CUX1: variants seen among roughly 807,000 people sequenced by gnomAD.
CUX1 encodes protein CASP.
Under a neutral mutation model 158.8 loss-of-function variants are expected in CUX1, and 31 were observed. The ratio of observed to expected loss-of-function variants is 0.20; its 90% CI spans 0.15 to 0.26. The LOEUF is 0.26. CUX1 is among the 10% of genes least tolerant of loss of function. The pLI is 1.00. For synonymous variants in CUX1, 879 were observed against 862.1 expected, an observed-to-expected ratio of 1.02 and a Z score of -0.34; for missense variants, 1,589 against 2,014.6, an observed-to-expected ratio of 0.79 and a Z score of 4.04.
chr7:101,955,944 G>A (rs1280480823), intron 2 of CUX1, among the ~76,000 whole-genome samples: 19 of 151,930 alleles, frequency 1.3e-4, no homozygotes. Flanking sequence ...AGCACTTTGG[G>A]AGGCCAAGGT....
At chr7:101,832,655 T>C (rs1794178364) in intron 1 of CUX1, among the ~76,000 whole-genome samples, 1 of 152,224 alleles carries the variant, frequency 6.6e-6, no homozygotes, top group Admixed American at 6.5e-5. Flanking sequence ...GTAATTCTAA[T>C]GGAAATAAAC....
intron 4 of CUX1, among the ~76,000 whole-genome samples, chr7:102,074,374 A>C (rs576176953): frequency 1.3e-5 from 2 of 152,226 alleles, no homozygotes; most frequent in Non-Finnish European, 2.9e-5. Flanking sequence ...TGGCCCCAGG[A>C]ACAGCGGAGC....
chr7:101,937,090 A>C (rs1236420531), intron 2 of CUX1, among the ~76,000 whole-genome samples: 1 of 152,016 alleles, frequency 6.6e-6, no homozygotes, highest in African/African-American at 2.4e-5. Context: ...CCCTTCCTCC[A>C]GATGCTGATT....
chr7:102,121,422 G>A (rs555426510), intron 8 of CUX1, among the ~76,000 whole-genome samples: 27 of 149,558 alleles, frequency 1.8e-4, no homozygotes, highest in African/African-American at 6.7e-4. Flanking sequence ...CTTGGCTCAC[G>A]GCATCCTCCG....
chr7:101,857,855 G>T (rs1374636830), intron 1 of CUX1, among the ~76,000 whole-genome samples: 1 of 152,210 alleles, frequency 6.6e-6, no homozygotes, highest in African/African-American at 2.4e-5. Context: ...GGGGGTGGTG[G>T]CTCACGCCTG....
chr7:102,184,113 G>T (rs1447887634), intron 11 of CUX1, among the ~76,000 whole-genome samples: 3 of 152,182 alleles, frequency 2.0e-5, no homozygotes, highest in African/African-American at 7.2e-5. Context: ...GCCCAGGCTG[G>T]TGTCGAACTC....
chr7:102,246,867 G>T (rs1478743299), intron 23 of CUX1, among the ~76,000 whole-genome samples: 1 of 152,212 alleles, frequency 6.6e-6, no homozygotes, highest in Non-Finnish European at 1.5e-5. Flanking sequence ...ACCATGCCCA[G>T]CCTCAGAAAG....
At chr7:102,281,184 G>A (rs1199799688) in intron 20 of CUX1, among the ~76,000 whole-genome samples, 1 of 151,600 alleles carries the variant, frequency 6.6e-6, no homozygotes, top group Non-Finnish European at 1.5e-5. Context: ...ACCAGCCTGG[G>A]CAACACAGTA....
At chr7:101,903,974 T>C (rs1802453019) in intron 1 of CUX1, among the ~76,000 whole-genome samples, 1 of 152,150 alleles carries the variant, frequency 6.6e-6, no homozygotes, top group Admixed American at 6.5e-5. Context: ...ATTTTCTGAA[T>C]AGGTAACGTG....
intron 22 of CUX1, among the ~76,000 whole-genome samples, chr7:102,237,678 C>G (rs112138440): frequency 0.016 from 2,473 of 152,274 alleles, 36 homozygotes; most frequent in Non-Finnish European, 0.025. Flanking sequence ...GTCTGTGGGT[C>G]TCTCCCCGTG....
In CUX1 at chr7:101,867,178, C is replaced by T. The variant is rs541859997; in HGVS notation, c.31-48937C>T. On this transcript the variant is annotated intron_variant, in intron 1 of 23. Coordinates refer to ENST00000292535, the MANE Select transcript of CUX1 (RefSeq NM_181552.4). The stretch of plus-strand genomic sequence containing the variant: ...GCTGCAGTGAGCTGAGATTGTGCCA[C>T]TGCACTCCAGCCTGGGAGACAGAGC... Among the ~76,000 whole-genome samples the T allele has an allele frequency of 1.3e-3, 195 of 152,072 alleles. 1 individual carries two copies. Among genetic ancestry groups the T allele is most frequent in the African/African-American group, 4.3e-3 (180 of 41,468 alleles).
At chr7:102,060,407 T>C (rs1585470001) in intron 3 of CUX1, among the ~76,000 whole-genome samples, 1 of 151,966 alleles carries the variant, frequency 6.6e-6, no homozygotes, top group Non-Finnish European at 1.5e-5. Context: ...TTTGGATTTA[T>C]TAGCGAAGGT....
intron 1 of CUX1, among the ~76,000 whole-genome samples, chr7:101,840,223 A>C (rs1280689417): frequency 6.6e-6 from 1 of 152,214 alleles, no homozygotes; most frequent in Non-Finnish European, 1.5e-5. Context: ...ATATATGCAA[A>C]ATAATGCAAG....
At chr7:101,843,785 C>T (rs189198906) in intron 1 of CUX1, among the ~76,000 whole-genome samples, 55 of 152,178 alleles carry the variant, frequency 3.6e-4, no homozygotes, top group Admixed American at 5.9e-4. Context: ...CTGTGGCCCT[C>T]GGGTGTGCAG....
intron 1 of CUX1, among the ~76,000 whole-genome samples, chr7:101,872,836 A>G (rs774809104): frequency 3.9e-5 from 6 of 151,948 alleles, no homozygotes; most frequent in Non-Finnish European, 7.4e-5. Flanking sequence ...TACCATTTTA[A>G]TCATTTGGGT....
chr7:102,043,749 C>T (rs1414068611), intron 3 of CUX1, among the ~76,000 whole-genome samples: 1 of 152,070 alleles, frequency 6.6e-6, no homozygotes, highest in African/African-American at 2.4e-5. Flanking sequence ...GTTGCTGGAT[C>T]GTATTAATTT....
chr7:101,837,438 AC>A (rs1468364311), intron 1 of CUX1, among the ~76,000 whole-genome samples: 2 of 152,090 alleles, frequency 1.3e-5, no homozygotes, highest in Non-Finnish European at 2.9e-5. Context: ...AGTGAATCTT[AC>A]CTCCTCTGTG....
chr7:102,218,813 G>A (rs1286206028), intron 20 of CUX1, among the ~76,000 whole-genome samples: 1 of 151,956 alleles, frequency 6.6e-6, no homozygotes, highest in African/African-American at 2.4e-5. Flanking sequence ...AGCACTTTGG[G>A]AGTCTGAGGC....
rs564000208 is a variant in CUX1, at chr7:102,252,403, C to T, written c.*3361C>T. On this transcript the variant is annotated 3_prime_UTR_variant, in exon 24 of 24. Transcript: ENST00000292535. The stretch of plus-strand genomic sequence containing the variant: ...AGGCAGCCGACCCCCTTCCTCTTCA[C>T]GCTCTATGAGTTTAAAAAGCTGATT... The T allele has an allele frequency of 2.1e-5, 21 of 985,380 alleles. No homozygotes were observed. The highest frequency in any genetic ancestry group is 4.7e-5 in the South Asian group (1 of 21,296). The allele number at this position is 985,380 out of a possible 1,614,324, so 61.0% of individuals were successfully genotyped here.
Sources: allele counts gnomAD v4.1 joint callset (sites outside exome capture counted in the v4.1 genomes callset), GRCh38; gene constraint gnomAD v4.1.1; transcripts MANE v1.5; gene names NCBI Gene and HGNC (gene_info 2026-07-23, HGNC 2026-07-21).